Variants in NT5DC1 observed in about 807,000 individuals in gnomAD.
NT5DC1 encodes 5'-nucleotidase domain-containing protein 1.
Under a neutral mutation model 59.4 loss-of-function variants are expected in NT5DC1, and 42 were observed. The observed-to-expected ratio is 0.71, with a 90% CI of 0.55 to 0.92. The LOEUF is 0.92. NT5DC1 is among the 40% of genes least tolerant of loss of function. NT5DC1 has a pLI of 0.00. For missense variants in NT5DC1, 501 were observed against 537.1 expected (o/e 0.93, Z 0.66); for synonymous variants, 172 against 188.1 (o/e 0.91, Z 0.70).
intron 6 of NT5DC1, among the ~76,000 whole-genome samples, chr6:116,178,988 C>A (rs932138499): frequency 1.3e-5 from 2 of 152,156 alleles, no homozygotes; most frequent in Non-Finnish European, 2.9e-5. Flanking sequence ...TTATTCTATC[C>A]TCATCTTCAT....
At chr6:116,237,626 C>G (rs1174583565) in intron 9 of NT5DC1, 1 of 408,172 alleles carries the variant, frequency 2.4e-6, no homozygotes, top group Non-Finnish European at 4.9e-6. Flanking sequence ...GTTTTCACAT[C>G]TGAAAATTGA....
At chr6:116,203,987 A>G (rs981854357) in intron 6 of NT5DC1, among the ~76,000 whole-genome samples, 5 of 151,886 alleles carry the variant, frequency 3.3e-5, no homozygotes, top group South Asian at 2.1e-4. Context: ...GGTGATCATC[A>G]AATATACCTA....
intron 1 of NT5DC1, among the ~76,000 whole-genome samples, chr6:116,102,133 A>G (rs909452061): frequency 6.6e-6 from 1 of 152,218 alleles, no homozygotes; most frequent in Admixed American, 6.5e-5. Context: ...TTACCACCCA[A>G]ACTATTTGGA....
At chr6:116,110,001 A>G (rs1778842246) in intron 3 of NT5DC1, among the ~76,000 whole-genome samples, 1 of 152,198 alleles carries the variant, frequency 6.6e-6, no homozygotes, top group Non-Finnish European at 1.5e-5. Context: ...CCCTATGTGT[A>G]CTATGTCTTT....
rs1026626205 is a variant in NT5DC1, at chr6:116,245,895, A to G, written c.*1871A>G. ...TCCACCTAAAGACCCTGAACAAGTT[A>G]CCACCAAATTTGGCTTCAGTTTTTT... On this transcript the variant is annotated 3_prime_UTR_variant, in exon 12 of 12. Coordinates refer to ENST00000319550, the MANE Select transcript of NT5DC1 (RefSeq NM_152729.3). 6.6e-6 allele frequency: 1 copy of G among 152,142 alleles called. No homozygotes were observed. Among genetic ancestry groups the G allele is most frequent in the African/African-American group, 2.4e-5 (1 of 41,444 alleles). 9.4% of individuals were successfully genotyped at this position (152,142 alleles called of 1,614,324 possible). A position where few individuals can be genotyped will look rare whatever the true frequency, so the allele number is the denominator to read the frequency against.
chr6:116,239,210 G>A, intron 11 of NT5DC1, 87 bp downstream of exon 11: 2 of 1,008,794 alleles, frequency 2.0e-6, no homozygotes, highest in Non-Finnish European at 1.5e-6. Flanking sequence ...AAAAAGAAAT[G>A]TTGCCACAAC....
rs959945076 is a variant in NT5DC1 at position 116,118,074 on chromosome 6, T to C, written c.529+129T>C. 19 of 690,196 alleles carry C rather than the reference T, an allele frequency of 2.8e-5. No individual in the cohort carries two copies. In the African/African-American group the frequency reaches 3.1e-4, roughly 11 times the overall value. The allele number at this position is 690,196 out of a possible 1,614,324, so 42.8% of individuals were successfully genotyped here. A position where few individuals can be genotyped will look rare whatever the true frequency, so the allele number is the denominator to read the frequency against. On this transcript the variant is annotated intron_variant, in intron 6 of 11. Transcript: ENST00000319550. Reference sequence around the variant, plus strand: ...TTTAATTTAAGCTTAAATATTATTATAAAGTTGGTTCTGACTACATTTTCA... The same window carrying C: ...TTTAATTTAAGCTTAAATATTATTACAAAGTTGGTTCTGACTACATTTTCA...
chr6:116,173,612 G>C (rs1780665322), intron 6 of NT5DC1, among the ~76,000 whole-genome samples: 1 of 152,114 alleles, frequency 6.6e-6, no homozygotes, highest in African/African-American at 2.4e-5. Context: ...GTAAAAATCA[G>C]ACCCAGCTCA....
rs1410933897 is a variant in NT5DC1, at chr6:116,248,836, T to C, written c.*4812T>C. 6.6e-6 allele frequency: 1 copy of C among 152,236 alleles called. No homozygotes were observed. The highest frequency in any genetic ancestry group is 1.5e-5 in the Non-Finnish European group (1 of 68,050). The allele number at this position is 152,236 out of a possible 1,614,324, so 9.4% of individuals were successfully genotyped here. On this transcript the variant is annotated 3_prime_UTR_variant, in exon 12 of 12. Coordinates refer to ENST00000319550, the MANE Select transcript of NT5DC1 (RefSeq NM_152729.3). ...AGCAGGGCTATAGCAGTGAACCAAT[T>C]GGTTGGTAAGTGAAACCTGTAAGAT...
At chr6:116,152,340 A>G (rs998136800) in intron 6 of NT5DC1, among the ~76,000 whole-genome samples, 1 of 152,130 alleles carries the variant, frequency 6.6e-6, no homozygotes, top group Non-Finnish European at 1.5e-5. Flanking sequence ...TTTAACTCCC[A>G]TTCCTTTCTT....
At chr6:116,154,917 A>T (rs960134512) in intron 6 of NT5DC1, among the ~76,000 whole-genome samples, 3 of 152,232 alleles carry the variant, frequency 2.0e-5, no homozygotes, top group African/African-American at 7.2e-5. Flanking sequence ...AAAATAAAAA[A>T]CATCATTTAG....
intron 9 of NT5DC1, among the ~76,000 whole-genome samples, chr6:116,237,899 A>G (rs531469915): frequency 3.3e-5 from 5 of 152,362 alleles, no homozygotes; most frequent in African/African-American, 7.2e-5. Flanking sequence ...ATGTAAACAT[A>G]TAGGTTCACT....
chr6:116,207,985 A>G (rs1235375523), intron 6 of NT5DC1, among the ~76,000 whole-genome samples: 2 of 152,016 alleles, frequency 1.3e-5, no homozygotes, highest in Admixed American at 1.3e-4. Flanking sequence ...CCTACTACAG[A>G]AGAAAAACCA....
Position 116,247,547 on chromosome 6 carries a change from G to A in NT5DC1, c.*3523G>A, listed in dbSNP as rs1771873539. 6.6e-6 allele frequency: 1 copy of A among 152,068 alleles called. No individual in the cohort carries two copies. Among genetic ancestry groups the A allele is most frequent in the South Asian group, 2.1e-4 (1 of 4,822 alleles). 9.4% of individuals were successfully genotyped at this position (152,068 alleles called of 1,614,324 possible). On this transcript the variant is annotated 3_prime_UTR_variant, in exon 12 of 12. Transcript: ENST00000319550. ...GCTTAGTGGGAAATAGTATATCTGG[G>A]CCTATAGAGAAGTTGGGTCATTACT...
intron 8 of NT5DC1, among the ~76,000 whole-genome samples, chr6:116,229,409 A>T (rs1026552951): frequency 6.6e-6 from 1 of 152,056 alleles, no homozygotes; most frequent in Non-Finnish European, 1.5e-5. Flanking sequence ...CAATCACGAA[A>T]CACAGCATGG....
intron 8 of NT5DC1, among the ~76,000 whole-genome samples, chr6:116,227,730 T>C (rs1781937482): frequency 6.6e-6 from 1 of 152,232 alleles, no homozygotes; most frequent in East Asian, 1.9e-4. Context: ...TTGAGCACTT[T>C]TTCGTATAAC....
intron 8 of NT5DC1, among the ~76,000 whole-genome samples, chr6:116,228,373 T>G (rs1284586788): frequency 6.6e-6 from 1 of 152,160 alleles, no homozygotes; most frequent in African/African-American, 2.4e-5. Context: ...GCGGGCATGG[T>G]GGCACATGCC....
Position 116,221,420 on chromosome 6 carries a change from G to A in NT5DC1, c.704+192G>A, listed in dbSNP as rs57750344. ...GCCCAACCAAGTACATTTTAGCAAA[G>A]CAGTGTTATTGGGGACCAGTATGCT... On this transcript the variant is annotated intron_variant, in intron 7 of 11. Transcript: ENST00000319550. 3.9e-3 allele frequency among the ~76,000 whole-genome samples: 590 copies of A among 152,274 alleles called. 5 individuals carry two copies. Among genetic ancestry groups the A allele is most frequent in the African/African-American group, 0.013 (559 of 41,554 alleles).
At chr6:116,149,663 A>G (rs1478630304) in intron 6 of NT5DC1, among the ~76,000 whole-genome samples, 1 of 152,216 alleles carries the variant, frequency 6.6e-6, no homozygotes, top group African/African-American at 2.4e-5. Context: ...GGAGACACTG[A>G]ATTAAAAAGG....
Sources: allele counts gnomAD v4.1 joint callset (sites outside exome capture counted in the v4.1 genomes callset), GRCh38; gene constraint gnomAD v4.1.1; transcripts MANE v1.5; gene names NCBI Gene and HGNC (gene_info 2026-07-23, HGNC 2026-07-21).